SACS: variants seen among roughly 807,000 people sequenced by gnomAD.
The protein encoded by SACS is sacsin molecular chaperone.
A neutral mutation model predicts 348.0 loss-of-function variants in SACS; 197 were observed. The observed-to-expected ratio is 0.57, with a 90% confidence interval of 0.50 to 0.64. The LOEUF is 0.64. Ranked by LOEUF, SACS falls within the 30% of genes least tolerant of loss-of-function variation. SACS has a pLI of 0.00. For missense variants in SACS, 4,999 were observed against 5,360.8 expected (o/e 0.93, Z 2.11); for synonymous variants, 1,985 against 1,910.6 (o/e 1.04, Z -1.02).
chr13:23,353,465 C>A (rs750149435), intron 9 of SACS, among the ~76,000 whole-genome samples: 5 of 152,148 alleles, frequency 3.3e-5, no homozygotes, highest in Admixed American at 6.6e-5. Flanking sequence ...AAACAAGCTA[C>A]AAGTTATGCT....
At chr13:23,354,106 T>C (rs1252420972) in intron 8 of SACS, among the ~76,000 whole-genome samples, 1 of 152,248 alleles carries the variant, frequency 6.6e-6, no homozygotes, top group Non-Finnish European at 1.5e-5. Flanking sequence ...TCTCAACATC[T>C]TACAGTAAAA....
chr13:23,355,450 G>A lies in SACS; in HGVS notation c.1162C>T (p.Gln388Ter). ...TTACACACCAACCAAGATGTTTTCT[G>A]TGCATCCTTAGTACTCTCCTCTTCT... ...VLEEESTKDA[Q>*]KTSWLVCNSV... The change falls in exon 8 of 10, where the codon CAG (glutamine) becomes TAG (stop). Residue 388 changes from glutamine (Q) to a stop codon, truncating the protein, a stop_gained. Transcript: ENST00000382292. LOFTEE classifies it high-confidence loss of function. 6.2e-7 allele frequency: 1 copy of A among 1,614,082 alleles called. No homozygotes were observed. The highest frequency in any genetic ancestry group is 8.5e-7 in the Non-Finnish European group (1 of 1,179,992).
At position 23,382,789 on chromosome 13, in the gene SACS, G is replaced by GT. The variant is rs1223426679; in HGVS notation, c.21-7521dup. Reference sequence around the variant, plus strand: ...TGTTTTGTGTGTGTGTGTGGTTTTTGTTTTTTTTTTTGAGATAGAGTCTAG... The same window carrying GT: ...TGTTTTGTGTGTGTGTGTGGTTTTTGTTTTTTTTTTTTGAGATAGAGTCTAG... On this transcript the variant is annotated intron_variant, in intron 2 of 9. Transcript: ENST00000382292. 6.6e-3 allele frequency among the ~76,000 whole-genome samples: 949 copies of GT among 143,954 alleles called. 18 individuals are homozygous for GT. Among genetic ancestry groups the GT allele is most frequent in the African/African-American group, 0.023 (861 of 37,748 alleles). 94.4% of individuals were successfully genotyped at this position (143,954 alleles called of 152,430 possible).
intron 5 of SACS, among the ~76,000 whole-genome samples, chr13:23,366,250 A>G (rs939328390): frequency 3.9e-5 from 6 of 152,210 alleles, no homozygotes; most frequent in Non-Finnish European, 7.3e-5. Context: ...ATGAAACAAA[A>G]TAACTACAAG....
At position 23,338,824 on chromosome 13, in the gene SACS, G is replaced by A. The variant is rs1314923346; in HGVS notation, c.5052C>T (p.Ile1684=). The change falls in exon 10 of 10, where the codon ATC becomes ATT. Residue 1684 remains isoleucine (I), a synonymous_variant. Coordinates refer to ENST00000382292, the MANE Select transcript of SACS (RefSeq NM_014363.6). The part of the protein sequence containing the change: ...DEFSLCGHRL[I]IFTQSVKSMY... ...TTGACTTTACACTCTGAGTGAAAAT[G>A]ATAAGCCTGTGTCCACAGAGACTAA... 1.2e-6 allele frequency: 2 copies of A among 1,612,898 alleles called. No individual in the cohort carries two copies. Among genetic ancestry groups the A allele is most frequent in the Middle Eastern group, 1.6e-4 (1 of 6,062 alleles).
chr13:23,337,347 C>G lies in SACS; in HGVS notation c.6529G>C (p.Asp2177His). 16 of 1,613,938 alleles carry G rather than the reference C, an allele frequency of 9.9e-6. No individual in the cohort carries two copies. The highest frequency in any genetic ancestry group is 1.4e-5 in the Non-Finnish European group (16 of 1,179,922). ...AVSVAEINKS[D>H]HVAACLRSSI... is the part of the protein sequence containing the mutation. The stretch of plus-strand genomic sequence containing the variant: ...CTTCTTAGGCATGCAGCAACATGAT[C>G]ACTTTTATTAATTTCAGCTACTGAC... Residue 2177 changes from aspartate (D) to histidine (H), a missense_variant, in exon 10 of 10, where the codon GAT (aspartate) becomes CAT (histidine). Asp to His is a moderately conservative substitution (Grantham distance 81). Around this residue, in one of 6 missense-constraint regions of SACS, gnomAD observed 3,156 missense variants for 3,380.1 expected, o/e 0.93. Transcript: ENST00000382292.
chr13:23,399,398 T>C (rs182383427), intron 2 of SACS, among the ~76,000 whole-genome samples: 1 of 152,276 alleles, frequency 6.6e-6, no homozygotes. Context: ...AGTCCTCTTT[T>C]ACTTCTGGCT....
chr13:23,426,693 C>T (rs535006949), intron 1 of SACS, among the ~76,000 whole-genome samples: 1 of 150,902 alleles, frequency 6.6e-6, no homozygotes, highest in Admixed American at 6.6e-5. Flanking sequence ...GGGGGGACAA[C>T]TTGAAGCAAA....
At position 23,354,968 on chromosome 13, in the gene SACS, C is replaced by T. The variant is rs1870249862; in HGVS notation, c.1644G>A (p.Val548=). The T allele has an allele frequency of 1.2e-6, 2 of 1,614,130 alleles. No individual in the cohort carries two copies. The highest frequency in any genetic ancestry group is 1.7e-6 in the Non-Finnish European group (2 of 1,180,050). ...ACAGCTCGCTGAATAGAGGCTCTAA[C>T]ACCGGTTGCCAGTGCACCTTGACTT... The part of the protein sequence containing the change: ...ASKVKVHWQP[V]LEPLFSELLQ... Residue 548 remains valine (V), a synonymous_variant, in exon 8 of 10, where the codon GTG becomes GTA. Coordinates refer to ENST00000382292, the MANE Select transcript of SACS (RefSeq NM_014363.6).
intron 2 of SACS, among the ~76,000 whole-genome samples, chr13:23,378,225 G>A (rs1352382884): frequency 6.6e-6 from 1 of 152,106 alleles, no homozygotes; most frequent in Non-Finnish European, 1.5e-5. Context: ...AGAAATCCTG[G>A]GTTATTCAAA....
intron 9 of SACS, among the ~76,000 whole-genome samples, chr13:23,351,738 C>T (rs1240964717): frequency 2.6e-5 from 4 of 152,076 alleles, no homozygotes; most frequent in Non-Finnish European, 4.4e-5. Flanking sequence ...ACTCTTAAAT[C>T]TAGATAAAGA....
Position 23,339,388 on chromosome 13 carries a change from C to T in SACS, c.4488G>A (p.Leu1496=), listed in dbSNP as rs770743092. Residue 1496 remains leucine, a synonymous_variant, in exon 10 of 10, where the codon TTG becomes TTA. Transcript: ENST00000382292. The part of the protein sequence containing the change: ...DDANATECSF[L]IDMRRNMDIR... The stretch of plus-strand genomic sequence containing the variant: ...TGTCCATATTTCTTCTCATATCAAT[C>T]AAGAAACTGCATTCTGTTGCATTTG... The T allele has an allele frequency of 6.2e-7, 1 of 1,612,356 alleles. No individual in the cohort carries two copies. Among genetic ancestry groups the T allele is most frequent in the Admixed American group, 1.7e-5 (1 of 59,742 alleles).
At chr13:23,387,085 G>A (rs1172347881) in intron 2 of SACS, among the ~76,000 whole-genome samples, 1 of 151,988 alleles carries the variant, frequency 6.6e-6, no homozygotes, top group Non-Finnish European at 1.5e-5. Flanking sequence ...ACAGAGACAC[G>A]CTAACGGAGC....
chr13:23,371,678 C>T (rs557629031), intron 3 of SACS, among the ~76,000 whole-genome samples: 3 of 152,316 alleles, frequency 2.0e-5, no homozygotes, highest in Non-Finnish European at 4.4e-5. Flanking sequence ...GTTTAGGTTA[C>T]GTATTCAGGC....
chr13:23,361,353 C>T (rs1870723754), intron 6 of SACS, among the ~76,000 whole-genome samples: 1 of 152,168 alleles, frequency 6.6e-6, no homozygotes, highest in African/African-American at 2.4e-5. Context: ...CAGTATTCTG[C>T]CTTTGCTGTA....
chr13:23,334,071 C>A lies in SACS; in HGVS notation c.9805G>T (p.Asp3269Tyr). 1 of 1,613,718 alleles carries A rather than the reference C, an allele frequency of 6.2e-7. No homozygotes were observed. The highest frequency in any genetic ancestry group is 1.1e-5 in the South Asian group (1 of 91,060). Residue 3269 changes from aspartate (D) to tyrosine (Y), a missense_variant, in exon 10 of 10, where the codon GAC (aspartate) becomes TAC (tyrosine). Asp to Tyr is a radical substitution (Grantham distance 160). This residue lies in a region of SACS where 734 missense variants were observed against 694.0 expected (regional missense o/e 1.06). Transcript: ENST00000382292. ...EDQEETKPTF[D>Y]IVVDTLKDWA... ...TCTTTTAGAGTATCAACAACAATGT[C>A]AAATGTTGGTTTTGTTTCTTCCTGA...
chr13:23,391,006 C>T (rs563246400), intron 2 of SACS, among the ~76,000 whole-genome samples: 4 of 152,362 alleles, frequency 2.6e-5, no homozygotes, highest in Non-Finnish European at 4.4e-5. Flanking sequence ...CGCCTGCACC[C>T]CTCAGTGCAG....
rs1555250395 is a variant in SACS, at chr13:23,333,850, ACT to A, written c.10024_10025del (p.Ser3342CysfsTer33). 6 of 1,613,890 alleles carry A rather than the reference ACT, an allele frequency of 3.7e-6. No homozygotes were observed. The highest frequency in any genetic ancestry group is 5.1e-6 in the Non-Finnish European group (6 of 1,179,832). On this transcript the variant is annotated frameshift_variant, in exon 10 of 10. Coordinates refer to ENST00000382292, the MANE Select transcript of SACS (RefSeq NM_014363.6). LOFTEE classifies it high-confidence loss of function. ...GACATGACAACAAAGGAACAAATGC[ACT>A]GTCTTTGGAACAGATTTTGTTCAAA... is the stretch of plus-strand genomic sequence containing the variant. The part of the protein sequence containing the change: ...LALNKICSKD[S>X]AFVPLLSCHT...
In SACS at chr13:23,355,536, T is replaced by C. The variant is rs1870312031; in HGVS notation, c.1076A>G (p.Tyr359Cys). ...GTTATTGCTTGGAGTCTTTTTACAA[T>C]AGTTACTTATAGCAGTTCCCAGAAT... ...IKILGTAISN[Y>C]CKKTPSNNIT... The change falls in exon 8 of 10, where the codon TAT (tyrosine) becomes TGT (cysteine). Residue 359 changes from tyrosine to cysteine, a missense_variant. Physicochemically the swap from Tyr to Cys is radical, Grantham distance 194. Around this residue, in one of 6 missense-constraint regions of SACS, gnomAD observed 3,156 missense variants for 3,380.1 expected, o/e 0.93. Transcript: ENST00000382292. 6.2e-7 allele frequency: 1 copy of C among 1,614,150 alleles called. No individual in the cohort carries two copies. The highest frequency in any genetic ancestry group is 1.1e-5 in the South Asian group (1 of 91,090).
Sources: allele counts gnomAD v4.1 joint callset (sites outside exome capture counted in the v4.1 genomes callset), GRCh38; gene constraint gnomAD v4.1.1; regional missense constraint gnomAD v4.1.1; transcripts MANE v1.5; gene names NCBI Gene and HGNC (gene_info 2026-07-23, HGNC 2026-07-21).